SLCO5A1: variants seen among roughly 807,000 people sequenced by gnomAD.
SLCO5A1 encodes the protein organic anion transporter polypeptide-related protein 4.
A neutral mutation model predicts 65.1 loss-of-function variants in SLCO5A1; 39 were observed. The observed-to-expected ratio is 0.60, with a 90% confidence interval of 0.46 to 0.78. The LOEUF (loss-of-function observed/expected upper bound fraction) is 0.78. Ranked by LOEUF, SLCO5A1 falls within the 30% of genes least tolerant of loss-of-function variation. The probability of loss-of-function intolerance (pLI) is 0.00; values close to 1 mark genes in which losing one functional copy is unlikely to be tolerated. For missense variants in SLCO5A1, 1,029 were observed against 1,069.4 expected, an observed-to-expected ratio of 0.96 and a Z score of 0.53; for synonymous variants, 438 against 415.7, an observed-to-expected ratio of 1.05 and a Z score of -0.65.
chr8:69,701,658 G>A (rs979802129), intron 6 of SLCO5A1, among the ~76,000 whole-genome samples: 1 of 152,104 alleles, frequency 6.6e-6, no homozygotes. Context: ...CCTGCTTCGA[G>A]TTGTCCCGCC....
At chr8:69,757,014 T>C (rs1817565019) in intron 3 of SLCO5A1, among the ~76,000 whole-genome samples, 1 of 152,242 alleles carries the variant, frequency 6.6e-6, no homozygotes, top group Non-Finnish European at 1.5e-5. Context: ...GTATTAACGC[T>C]GAATTCAATC....
intron 5 of SLCO5A1, among the ~76,000 whole-genome samples, chr8:69,716,832 T>C (rs35820143): frequency 0.011 from 1,711 of 150,570 alleles, 28 homozygotes; most frequent in Middle Eastern, 0.037. Context: ...CAGGCTGGAG[T>C]ACAGTGGCAC....
At chr8:69,762,130 CT>C (rs1319620498) in intron 2 of SLCO5A1, among the ~76,000 whole-genome samples, 2 of 14,180 alleles carry the variant, frequency 1.4e-4, no homozygotes, top group Non-Finnish European at 2.6e-4. Flanking sequence ...TTCTTTCTTT[CT>C]TTCTTTCTTT....
chr8:69,678,527 T>C (rs1337683527), intron 8 of SLCO5A1, among the ~76,000 whole-genome samples: 3 of 152,216 alleles, frequency 2.0e-5, no homozygotes, highest in Admixed American at 6.5e-5. Flanking sequence ...GCTTAGAATG[T>C]ATATAAGCTC....
intron 3 of SLCO5A1, among the ~76,000 whole-genome samples, chr8:69,759,335 T>A (rs1020949812): frequency 6.6e-6 from 1 of 152,224 alleles, no homozygotes; most frequent in African/African-American, 2.4e-5. Context: ...ACAATCTTTA[T>A]CATGTATAGA....
At chr8:69,711,635 T>C (rs1448216512) in intron 5 of SLCO5A1, among the ~76,000 whole-genome samples, 1 of 151,848 alleles carries the variant, frequency 6.6e-6, no homozygotes, top group Non-Finnish European at 1.5e-5. Flanking sequence ...GAGTCTGGGC[T>C]ATGTAGCCAG....
intron 5 of SLCO5A1, among the ~76,000 whole-genome samples, chr8:69,711,317 C>T (rs1009691901): frequency 6.6e-6 from 1 of 152,048 alleles, no homozygotes; most frequent in Non-Finnish European, 1.5e-5. Flanking sequence ...CGCCTCTCAC[C>T]ACTGCGCACC....
intron 2 of SLCO5A1, among the ~76,000 whole-genome samples, chr8:69,815,721 A>G (rs751054912): frequency 6.6e-6 from 1 of 151,608 alleles, no homozygotes; most frequent in South Asian, 2.1e-4. Flanking sequence ...CAAGGATTAC[A>G]GTATTCCCAA....
chr8:69,768,975 A>G (rs1818195374), intron 2 of SLCO5A1, among the ~76,000 whole-genome samples: 1 of 151,700 alleles, frequency 6.6e-6, no homozygotes. Context: ...CTGTGCTTCC[A>G]CCCCGTTCAC....
chr8:69,794,631 T>G (rs992278447), intron 2 of SLCO5A1: 11 of 319,192 alleles, frequency 3.4e-5, no homozygotes, highest in African/African-American at 2.4e-4. Context: ...GCAATTCTGC[T>G]TTCAGGGCTG....
rs550187474 is a variant in SLCO5A1 at position 69,827,327 on chromosome 8, T to C, written c.907+4440A>G. ...TTTAAAAAAAGAGAAAAAAAAATTA[T>C]AGTCTAGTTGCTAACCTTGCTTCTT... On this transcript the variant is annotated intron_variant, in intron 2 of 9. Coordinates refer to ENST00000260126, the MANE Select transcript of SLCO5A1 (RefSeq NM_030958.3). Among the ~76,000 whole-genome samples the C allele has an allele frequency of 6.6e-5, 10 of 152,158 alleles. No homozygotes were observed. In the South Asian group the frequency reaches 2.1e-3, roughly 32 times the overall value.
intron 3 of SLCO5A1, among the ~76,000 whole-genome samples, chr8:69,755,845 T>C (rs1189019132): frequency 6.6e-6 from 1 of 152,256 alleles, no homozygotes; most frequent in African/African-American, 2.4e-5. Context: ...TCAATAATTA[T>C]ACCAGTGTTA....
intron 2 of SLCO5A1, among the ~76,000 whole-genome samples, chr8:69,796,860 G>A (rs1819521203): frequency 6.6e-6 from 1 of 151,894 alleles, no homozygotes; most frequent in South Asian, 2.1e-4. Context: ...CAGATTCCTA[G>A]AGCAGAGGCA....
At chr8:69,698,377 T>C (rs1171928933) in intron 6 of SLCO5A1, among the ~76,000 whole-genome samples, 1 of 152,210 alleles carries the variant, frequency 6.6e-6, no homozygotes, top group Admixed American at 6.5e-5. Flanking sequence ...TAACCAGTAA[T>C]GGGATTGCTG....
At chr8:69,730,263 G>T (rs1816272440) in intron 5 of SLCO5A1, among the ~76,000 whole-genome samples, 1 of 152,172 alleles carries the variant, frequency 6.6e-6, no homozygotes, top group African/African-American at 2.4e-5. Flanking sequence ...TTCTGGACAT[G>T]GCCAGAGTTT....
At position 69,679,454 on chromosome 8, in the gene SLCO5A1, G is replaced by T; in HGVS notation, c.1948C>A (p.Pro650Thr). 1.2e-6 allele frequency: 2 copies of T among 1,614,176 alleles called. No individual in the cohort carries two copies. The highest frequency in any genetic ancestry group is 1.3e-5 in the African/African-American group (1 of 75,042). ...KCKRTCNTLI[P>T]FLVFLFIVTF... ...ACTATGAAAAGAAAAACTAAGAATGGGATAAGAGTATTGCAGGTCCGTTTA... is the reference window on the plus strand; with the variant it reads ...ACTATGAAAAGAAAAACTAAGAATGTGATAAGAGTATTGCAGGTCCGTTTA... Residue 650 changes from proline to threonine, a missense_variant, in exon 8 of 10, where the codon CCA becomes ACA. Coordinates refer to ENST00000260126, the MANE Select transcript of SLCO5A1 (RefSeq NM_030958.3).
intron 5 of SLCO5A1, among the ~76,000 whole-genome samples, chr8:69,723,010 TTAG>T (rs1473499856): frequency 3.9e-5 from 6 of 152,300 alleles, no homozygotes; most frequent in Middle Eastern, 3.4e-3. Flanking sequence ...TTTACTCATG[TTAG>T]TATAAGACAC....
At chr8:69,686,565 T>C (rs181051401) in intron 6 of SLCO5A1, among the ~76,000 whole-genome samples, 11 of 152,320 alleles carry the variant, frequency 7.2e-5, no homozygotes, top group Admixed American at 2.6e-4. Context: ...CCATGAGAAT[T>C]GTCATTATTA....
At chr8:69,762,556 C>T (rs1228336258) in intron 2 of SLCO5A1, among the ~76,000 whole-genome samples, 1 of 151,866 alleles carries the variant, frequency 6.6e-6, no homozygotes, top group African/African-American at 2.4e-5. Flanking sequence ...AATAGAGACC[C>T]AGGCTAGTTA....
Sources: gnomAD v4.1 joint callset for allele counts (sites outside exome capture counted in the v4.1 genomes callset) on GRCh38, gnomAD v4.1.1 for gene constraint, MANE v1.5 for transcripts, NCBI Gene and HGNC (gene_info 2026-07-23, HGNC 2026-07-21) for gene names.